Variants in CAMTA1 observed in about 807,000 individuals in gnomAD.
CAMTA1 encodes calmodulin-binding transcription activator 1.
In CAMTA1, 27 loss-of-function variants were observed where a neutral mutation model predicts 170.9. The observed-to-expected ratio is 0.16, with a 90% CI of 0.12 to 0.22. The LOEUF is 0.22. CAMTA1 is among the 10% of genes least tolerant of loss of function. CAMTA1 has a pLI of 1.00. For synonymous variants in CAMTA1, 833 were observed against 891.5 expected (o/e 0.93, Z 1.17); for missense variants, 1,619 against 2,217.2 (o/e 0.73, Z 5.42).
At position 7,745,883 on chromosome 1, in the gene CAMTA1, C is replaced by T; in HGVS notation, c.4409C>T (p.Thr1470Ile). ...YNEPLTPSSN[T>I]SLSPVGSPVS... ...GAGCCTCTAACCCCTTCTTCTAATA[C>T]CAGCTTGAGCCCTGTTGGCTCTCCC... Residue 1470 changes from threonine (T) to isoleucine (I), a missense_variant, in exon 18 of 23, where the codon ACC (threonine) becomes ATC (isoleucine). By Grantham distance (89) the Thr-to-Ile change is moderately conservative (BLOSUM62 -1). This residue lies in a region of CAMTA1 where 370 missense variants were observed against 429.4 expected (regional missense o/e 0.86). Transcript: ENST00000303635. The T allele has an allele frequency of 6.2e-7, 1 of 1,614,180 alleles. No individual in the cohort carries two copies.
chr1:7,476,577 C>CCGG (rs1474643466), intron 6 of CAMTA1, among the ~76,000 whole-genome samples: 1 of 152,162 alleles, frequency 6.6e-6, no homozygotes, highest in Non-Finnish European at 1.5e-5. Flanking sequence ...CACACCTCAC[C>CCGG]CGGCACAGGG....
chr1:6,792,094 C>A (rs1641271602), intron 1 of CAMTA1, among the ~76,000 whole-genome samples: 1 of 151,990 alleles, frequency 6.6e-6, no homozygotes, highest in Non-Finnish European at 1.5e-5. Context: ...GCTGGGATTA[C>A]AGGCGTGCAC....
intron 5 of CAMTA1, among the ~76,000 whole-genome samples, chr1:7,284,082 G>A (rs1671900137): frequency 6.6e-6 from 1 of 151,866 alleles, no homozygotes; most frequent in South Asian, 2.1e-4. Flanking sequence ...ACTGTCCTTA[G>A]ATCAGCCCTG....
In CAMTA1 at chr1:7,522,890, G is replaced by C. The variant is rs529135724; in HGVS notation, c.510+54989G>C. Among the ~76,000 whole-genome samples, 38 of 152,308 alleles carry C rather than the reference G, an allele frequency of 2.5e-4. No homozygotes were observed. The South Asian group carries it at 7.5e-3, about 30-fold the overall frequency. On this transcript the variant is annotated intron_variant, in intron 6 of 22. Transcript: ENST00000303635. The stretch of plus-strand genomic sequence containing the variant: ...CTCTTTTTTTGGTTTTTTGAGACAG[G>C]AGCTTCGCTCTTGTTGCCCAGGCTG...
rs1672319027 is a variant in CAMTA1, at chr1:7,286,167, G to A, written c.438+36541G>A. Among the ~76,000 whole-genome samples, 1 of 152,176 alleles carries A rather than the reference G, an allele frequency of 6.6e-6. No homozygotes were observed. The highest frequency in any genetic ancestry group is 6.5e-5 in the Admixed American group (1 of 15,280). On this transcript the variant is annotated intron_variant, in intron 5 of 22. Coordinates refer to ENST00000303635, the MANE Select transcript of CAMTA1 (RefSeq NM_015215.4). This position sits in a 1 kb window ranked among gnomAD's most constrained non-coding sequence, Gnocchi z 4.2. ...GGGGATGAGTGAGCCTGCTGGTGGG[G>A]GGCAGAGAGGAAAGACCTCACAGGG... is the stretch of plus-strand genomic sequence containing the variant.
chr1:7,343,849 C>T (rs151269692), intron 5 of CAMTA1, among the ~76,000 whole-genome samples: 127 of 152,324 alleles, frequency 8.3e-4, no homozygotes, highest in African/African-American at 2.9e-3. Context: ...CTCTAAATCT[C>T]ATTTATGTGG....
intron 5 of CAMTA1, among the ~76,000 whole-genome samples, chr1:7,257,081 G>GT (rs763699966): frequency 1.5e-4 from 22 of 150,410 alleles, no homozygotes; most frequent in African/African-American, 2.2e-4. Context: ...CATGGCGGGG[G>GT]CGGGGGTTGG....
At position 7,443,909 on chromosome 1, in the gene CAMTA1, C is replaced by T. The variant is rs138410050; in HGVS notation, c.439-23921C>T. ...CCTCTCACCCATGCCTCTGCCTGGA[C>T]ACAGGACCAGGAAATGCCATCCCCA... On this transcript the variant is annotated intron_variant, in intron 5 of 22. Coordinates refer to ENST00000303635, the MANE Select transcript of CAMTA1 (RefSeq NM_015215.4). The surrounding 1 kb of genome is among the most constrained non-coding windows in gnomAD (Gnocchi z 4.1). 2.3e-3 allele frequency among the ~76,000 whole-genome samples: 356 copies of T among 152,284 alleles called. 6 individuals are homozygous for T. The East Asian group carries it at 0.047, about 20-fold the overall frequency.
At position 7,081,330 on chromosome 1, in the gene CAMTA1, A is replaced by G. The variant is rs570749917; in HGVS notation, c.235-9974A>G. ...TATTGACGAAGCTTCACATTCTGCT[A>G]TGCCAGCAAAGGAGAAATATGTACA... On this transcript the variant is annotated intron_variant, in intron 3 of 22. Transcript: ENST00000303635. Among the ~76,000 whole-genome samples the G allele has an allele frequency of 3.3e-5, 5 of 152,364 alleles. No homozygotes were observed. The South Asian group carries it at 6.2e-4, about 19-fold the overall frequency.
intron 3 of CAMTA1, among the ~76,000 whole-genome samples, chr1:6,879,613 CTTTT>C (rs58610375): frequency 3.0e-5 from 4 of 132,858 alleles, no homozygotes; most frequent in Non-Finnish European, 1.6e-5. Context: ...TTCCTTTTTT[CTTTT>C]TTTTTTTTTT....
chr1:6,933,803 A>C (rs1008172314), intron 3 of CAMTA1, among the ~76,000 whole-genome samples: 6 of 151,518 alleles, frequency 4.0e-5, no homozygotes, highest in African/African-American at 1.5e-4. Flanking sequence ...CTATTTCTGG[A>C]CTCAGTTCTG....
Position 7,738,430 on chromosome 1 carries a change from A to C in CAMTA1, c.4130A>C (p.Tyr1377Ser). The change falls in exon 16 of 23, where the codon TAC becomes TCC. Residue 1377 changes from tyrosine (Y) to serine (S), a missense_variant. Coordinates refer to ENST00000303635, the MANE Select transcript of CAMTA1 (RefSeq NM_015215.4). This position sits in a 1 kb window ranked among gnomAD's most constrained non-coding sequence, Gnocchi z 4.9. ...GTGGTGAATACAGAGCTGGGGTCCT[A>C]CCGTGATAGTGCAGAAAATGAAGAA... is the stretch of plus-strand genomic sequence containing the variant. ...REVVNTELGSYRDSAENEECG... is the reference protein window; with the variant it reads ...REVVNTELGSSRDSAENEECG... The C allele has an allele frequency of 6.2e-7, 1 of 1,614,160 alleles. No homozygotes were observed.
intron 6 of CAMTA1, among the ~76,000 whole-genome samples, chr1:7,479,316 G>A (rs1036093215): frequency 6.6e-6 from 1 of 152,204 alleles, no homozygotes; most frequent in Non-Finnish European, 1.5e-5. Flanking sequence ...GGTGCACACA[G>A]CTGTACACAG....
chr1:7,706,830 T>C (rs1421778026), intron 11 of CAMTA1, among the ~76,000 whole-genome samples: 3 of 152,186 alleles, frequency 2.0e-5, no homozygotes, highest in African/African-American at 7.2e-5. Flanking sequence ...CTTGTTTGTA[T>C]TATTTAAGGA....
chr1:7,498,278 G>A (rs2093871043), intron 6 of CAMTA1, among the ~76,000 whole-genome samples: 1 of 151,652 alleles, frequency 6.6e-6, no homozygotes, highest in African/African-American at 2.4e-5. Context: ...GTGTGTGAGT[G>A]TGAGCGTGTA....
chr1:7,656,867 T>C (rs961804183), intron 7 of CAMTA1, among the ~76,000 whole-genome samples: 1 of 152,276 alleles, frequency 6.6e-6, no homozygotes, highest in Non-Finnish European at 1.5e-5. Flanking sequence ...GTGGAAGCGC[T>C]GCTGCCTTGC....
At chr1:7,699,728 T>C (rs2096417916) in intron 11 of CAMTA1, among the ~76,000 whole-genome samples, 1 of 152,244 alleles carries the variant, frequency 6.6e-6, no homozygotes, top group Non-Finnish European at 1.5e-5. Flanking sequence ...TGTGAAGTGG[T>C]ATCTCATTGT....
intron 3 of CAMTA1, among the ~76,000 whole-genome samples, chr1:6,940,929 A>AGGGGATCCTCACGGGG (rs1491340105): frequency 0.015 from 107 of 7,330 alleles, 16 homozygotes; most frequent in Middle Eastern, 0.1. Context: ...CCTCACAGGG[A>AGGGGATCCTCACGGGG]AAGGGGATCC....
chr1:6,785,774 C>G (rs1412474866), intron 1 of CAMTA1, among the ~76,000 whole-genome samples, 199 bp downstream of exon 1: 1 of 96,674 alleles, frequency 1.0e-5, no homozygotes, highest in Non-Finnish European at 2.0e-5. Context: ...CTCGCGGGGC[C>G]GGCGGAGCGC....
Sources: gnomAD v4.1 joint callset for allele counts (sites outside exome capture counted in the v4.1 genomes callset) on GRCh38, gnomAD v4.1.1 for gene constraint, gnomAD v4.1.1 regional missense constraint, Gnocchi (gnomAD v3.1) non-coding constraint, MANE v1.5 for transcripts, NCBI Gene and HGNC (gene_info 2026-07-23, HGNC 2026-07-21) for gene names.